The following TBCB variants were observed in gnomAD, a reference collection of about 807,000 sequenced individuals.
TBCB encodes the protein tubulin folding cofactor B, also known as tubulin-folding cofactor B.
Under a neutral mutation model 29.2 loss-of-function variants are expected in TBCB, and 18 were observed. The observed-to-expected ratio is 0.62, with a 90% CI of 0.43 to 0.91. The LOEUF (loss-of-function observed/expected upper bound fraction) is 0.91, where lower values mean the gene tolerates loss of function less well. TBCB is among the 40% of genes least tolerant of loss of function. The pLI is 0.00. For missense variants in TBCB, 336 were observed against 337.6 expected (o/e 1.00, Z 0.04); for synonymous variants, 172 against 137.8 (o/e 1.25, Z -1.74).
chr19:36,120,690 G>A lies in TBCB; in HGVS notation c.259-20G>A, dbSNP rs1379516220. ...CCCTGGCCAGACCCTGATCCCCACG[G>A]AGCCCCTCCCCTCACACAGGTCATT... On this transcript the variant is annotated intron_variant, in intron 2 of 5. Transcript: ENST00000221855. 2 of 1,612,884 alleles carry A rather than the reference G, an allele frequency of 1.2e-6. No individual in the cohort carries two copies. The highest frequency in any genetic ancestry group is 1.7e-6 in the Non-Finnish European group (2 of 1,179,334).
At chr19:36,122,380 G>A (rs1207624081) in intron 4 of TBCB, among the ~76,000 whole-genome samples, 2 of 151,900 alleles carry the variant, frequency 1.3e-5, no homozygotes, top group East Asian at 1.9e-4. Context: ...CGGAGTTGGA[G>A]GTTACAGTGA....
intron 1 of TBCB, 135 bp downstream of exon 1, chr19:36,115,809 C>T: frequency 9.2e-7 from 1 of 1,088,454 alleles, no homozygotes; most frequent in Non-Finnish European, 1.3e-6. Context: ...GCTGGGGACC[C>T]GGTCGCGGCG....
At position 36,115,526 on chromosome 19, in the gene TBCB, G is replaced by C; in HGVS notation, c.-35G>C. The C allele has an allele frequency of 6.5e-7, 1 of 1,532,332 alleles. No homozygotes were observed. Among genetic ancestry groups the C allele is most frequent in the Non-Finnish European group, 8.9e-7 (1 of 1,127,200 alleles). The allele number at this position is 1,532,332 out of a possible 1,614,324, so 94.9% of individuals were successfully genotyped here. ...GCTGCGGAGCGGGTGTGAGGCGGCT[G>C]GACCGCGCTGCAGGCATCCGCAGGG... On this transcript the variant is annotated 5_prime_UTR_variant, in exon 1 of 6. Coordinates refer to ENST00000221855, the MANE Select transcript of TBCB (RefSeq NM_001281.3).
chr19:36,115,531 G>C lies in TBCB; in HGVS notation c.-30G>C. The stretch of plus-strand genomic sequence containing the variant: ...GGAGCGGGTGTGAGGCGGCTGGACC[G>C]CGCTGCAGGCATCCGCAGGGCGCGG... On this transcript the variant is annotated 5_prime_UTR_variant, in exon 1 of 6. Transcript: ENST00000221855. The C allele has an allele frequency of 6.5e-7, 1 of 1,549,362 alleles. No homozygotes were observed. Among genetic ancestry groups the C allele is most frequent in the Admixed American group, 1.8e-5 (1 of 54,094 alleles).
chr19:36,123,205 T>G (rs1443667828), intron 4 of TBCB, among the ~76,000 whole-genome samples: 2 of 151,860 alleles, frequency 1.3e-5, no homozygotes, highest in African/African-American at 2.4e-5. Context: ...GACATTAGGG[T>G]CATTTCCACT....
chr19:36,117,464 C>T (rs897172076), intron 2 of TBCB, among the ~76,000 whole-genome samples: 1 of 152,184 alleles, frequency 6.6e-6, no homozygotes, highest in African/African-American at 2.4e-5. Flanking sequence ...CCTGCCTCAG[C>T]CTCCCAAGTA....
rs922497849 is a variant in TBCB, at chr19:36,122,178, G to A, written c.547+460G>A. 3.9e-5 allele frequency: 10 copies of A among 256,308 alleles called. No individual in the cohort carries two copies. The East Asian group carries it at 6.9e-4, about 18-fold the overall frequency. 15.9% of individuals were successfully genotyped at this position (256,308 alleles called of 1,614,324 possible). A position where few individuals can be genotyped will look rare whatever the true frequency, so the allele number is the denominator to read the frequency against. ...CAGAAGGAGTAGCGGGTGCAGGTGA[G>A]CAGAGCGCAGGAGGTCCACCTGGGG... On this transcript the variant is annotated intron_variant, in intron 4 of 5. Transcript: ENST00000221855.
At chr19:36,120,597 G>A in intron 2 of TBCB, 113 bp from the exon 3 acceptor site, 1 of 834,762 alleles carries the variant, frequency 1.2e-6, no homozygotes, top group South Asian at 1.5e-5. Flanking sequence ...CTGCAGTACA[G>A]GCGAGGGAGG....
intron 2 of TBCB, chr19:36,118,072 C>T (rs892686363): frequency 1.3e-5 from 2 of 152,172 alleles, no homozygotes; most frequent in Non-Finnish European, 2.9e-5. Flanking sequence ...GGCCCAGAAT[C>T]TACTTTCTTA....
intron 4 of TBCB, among the ~76,000 whole-genome samples, chr19:36,125,144 CCT>C (rs903895228): frequency 1.3e-5 from 2 of 152,260 alleles, no homozygotes; most frequent in Admixed American, 6.5e-5. Context: ...TATTCTGAAG[CCT>C]CTCTCTCTGG....
At chr19:36,120,246 A>T (rs759175524) in intron 2 of TBCB, among the ~76,000 whole-genome samples, 2 of 152,148 alleles carry the variant, frequency 1.3e-5, no homozygotes, top group Non-Finnish European at 2.9e-5. Context: ...AGTCCCCAGC[A>T]TGAGGCCCAG....
intron 4 of TBCB, chr19:36,122,193 T>G (rs1599865883): frequency 9.6e-6 from 2 of 209,070 alleles, no homozygotes; most frequent in South Asian, 6.0e-5. Context: ...GCGCAGGAGG[T>G]CCACCTGGGG....
chr19:36,121,697 C>T lies in TBCB; in HGVS notation c.526C>T (p.Arg176Trp), dbSNP rs781420693. 12 of 1,552,618 alleles carry T rather than the reference C, an allele frequency of 7.7e-6. No individual in the cohort carries two copies. The highest frequency in any genetic ancestry group is 4.8e-5 in the East Asian group (2 of 41,664). ...GCGGGCGGCGGGACAATCCCCTCGC[C>T]GGGGCACCGTCATGTATGTAGGTGC... ...EVRAAGQSPR[R>W]GTVMYVGLTD... is the part of the protein sequence containing the mutation. Residue 176 changes from arginine (R) to tryptophan (W), a missense_variant, in exon 4 of 6, where the codon CGG becomes TGG. By Grantham distance (101) the Arg-to-Trp change is moderately radical. Coordinates refer to ENST00000221855, the MANE Select transcript of TBCB (RefSeq NM_001281.3).
chr19:36,121,250 G>GGAT (rs1974044752), intron 3 of TBCB, among the ~76,000 whole-genome samples: 1 of 151,992 alleles, frequency 6.6e-6, no homozygotes, highest in Admixed American at 6.6e-5. Context: ...GGAGGAAGGC[G>GGAT]GATGATGAAG....
At chr19:36,116,426 G>A (rs1410013925) in intron 2 of TBCB, 3 of 440,320 alleles carry the variant, frequency 6.8e-6, no homozygotes, top group African/African-American at 4.0e-5. Context: ...CTCCACCTGG[G>A]AGAATCAGAG....
rs566766837 is a variant in TBCB, at chr19:36,121,834, G to A, written c.547+116G>A. 1.9e-5 allele frequency: 25 copies of A among 1,340,856 alleles called. No individual in the cohort carries two copies. The South Asian group carries it at 2.4e-4, about 13-fold the overall frequency. The allele number at this position is 1,340,856 out of a possible 1,614,324, so 83.1% of individuals were successfully genotyped here. A position where few individuals can be genotyped will look rare whatever the true frequency, so the allele number is the denominator to read the frequency against. ...CTGCCTAGGGGCGCGGGGTTGGGGG[G>A]GACTCGAAACGATCTCAGTCCCTGG... On this transcript the variant is annotated intron_variant, in intron 4 of 5. Transcript: ENST00000221855.
chr19:36,116,203 G>C lies in TBCB; in HGVS notation c.258+19G>C, dbSNP rs200039146. 1.2e-6 allele frequency: 2 copies of C among 1,610,824 alleles called. No homozygotes were observed. The highest frequency in any genetic ancestry group is 1.7e-6 in the Non-Finnish European group (2 of 1,177,518). On this transcript the variant is annotated intron_variant, in intron 2 of 5. Transcript: ENST00000221855. Reference sequence around the variant, plus strand: ...CATCCACGTGAGGACTCTCTATCTGGGACACTCCCCCACCCCACCTTTCAT... The same window carrying C: ...CATCCACGTGAGGACTCTCTATCTGCGACACTCCCCCACCCCACCTTTCAT...
chr19:36,115,755 G>C, intron 1 of TBCB, 81 bp downstream of exon 1: 2 of 1,296,952 alleles, frequency 1.5e-6, no homozygotes. Context: ...GGGAGGGGCC[G>C]GGGAGTGACT....
intron 4 of TBCB, among the ~76,000 whole-genome samples, chr19:36,124,978 A>G (rs1974113429): frequency 6.7e-6 from 1 of 149,900 alleles, no homozygotes; most frequent in Non-Finnish European, 1.5e-5. Flanking sequence ...AGTTCCTTGT[A>G]TATTCTTCTG....
Sources: gnomAD v4.1 joint callset for allele counts (sites outside exome capture counted in the v4.1 genomes callset) on GRCh38, gnomAD v4.1.1 for gene constraint, MANE v1.5 for transcripts, NCBI Gene and HGNC (gene_info 2026-07-23, HGNC 2026-07-21) for gene names.